Variants in LARGE1 observed in about 807,000 individuals in gnomAD.
The protein encoded by LARGE1 is LARGE xylosyl- and glucuronyltransferase 1.
In LARGE1, 43 loss-of-function variants were observed where a neutral mutation model predicts 87.6. The ratio of observed to expected loss-of-function variants is 0.49; its 90% CI spans 0.38 to 0.63. The LOEUF (loss-of-function observed/expected upper bound fraction) is 0.63. LARGE1 is among the 30% of genes least tolerant of loss of function. LARGE1 has a pLI of 0.00. For missense variants in LARGE1, 802 were observed against 1,000.2 expected, an observed-to-expected ratio of 0.80 and a Z score of 2.67; for synonymous variants, 434 against 394.6, an observed-to-expected ratio of 1.10 and a Z score of -1.18.
intron 9 of LARGE1, among the ~76,000 whole-genome samples, chr22:33,357,890 A>G (rs2146845864): frequency 6.6e-6 from 1 of 152,316 alleles, no homozygotes; most frequent in East Asian, 1.9e-4. Context: ...TAATCTTTCC[A>G]TCTCTTCTAT....
At chr22:33,871,357 T>A (rs1412717993) in intron 1 of LARGE1, among the ~76,000 whole-genome samples, 2 of 152,188 alleles carry the variant, frequency 1.3e-5, no homozygotes. Flanking sequence ...AAGCATTTAA[T>A]GAGCACATAT....
chr22:33,313,658 C>A (rs75888737), intron 11 of LARGE1, among the ~76,000 whole-genome samples: 1 of 152,140 alleles, frequency 6.6e-6, no homozygotes, highest in African/African-American at 2.4e-5. Flanking sequence ...AGGAACTGAG[C>A]GTGGCTTCGA....
At position 33,650,615 on chromosome 22, in the gene LARGE1, A is replaced by G. The variant is rs1200041876; in HGVS notation, c.160T>C (p.Tyr54His). The G allele has an allele frequency of 6.2e-7, 1 of 1,604,096 alleles. No individual in the cohort carries two copies. The highest frequency in any genetic ancestry group is 1.1e-5 in the South Asian group (1 of 91,068). ...CGCTCCCGCTGGCTGGAGGCCGTGT[A>G]CCTGGGGCTGTGTGCCTGGGACTCC... ...PLESQAHSPR[Y>H]TASSQRERES... The change falls in exon 3 of 15, where the codon TAC becomes CAC. Residue 54 changes from tyrosine to histidine, a missense_variant. Physicochemically the swap from Tyr to His is moderately conservative, Grantham distance 83 (BLOSUM62 2). Transcript: ENST00000397394.
intron 1 of LARGE1, among the ~76,000 whole-genome samples, chr22:33,864,677 T>C (rs1041263198): frequency 6.6e-6 from 1 of 152,144 alleles, no homozygotes; most frequent in Non-Finnish European, 1.5e-5. Context: ...GGCAGAAGGA[T>C]AGTCAGGGCT....
chr22:33,099,375 T>A, the LARGE1 span, among the ~76,000 whole-genome samples: 2 of 148,412 alleles, frequency 1.3e-5, no homozygotes, highest in Non-Finnish European at 3.0e-5. Flanking sequence ...GGCCTCAGCC[T>A]CCCAAGTAGC....
At chr22:33,338,140 A>T (rs933799400) in intron 9 of LARGE1, among the ~76,000 whole-genome samples, 3 of 151,986 alleles carry the variant, frequency 2.0e-5, no homozygotes, top group Non-Finnish European at 1.5e-5. Flanking sequence ...CGACTCTACA[A>T]ACCCTAATTC....
chr22:33,636,895 T>G (rs1434237552), intron 3 of LARGE1, among the ~76,000 whole-genome samples: 2 of 152,216 alleles, frequency 1.3e-5, no homozygotes, highest in Non-Finnish European at 2.9e-5. Flanking sequence ...TAGAGCCTGG[T>G]ACCTTGTAAG....
the LARGE1 span, among the ~76,000 whole-genome samples, chr22:33,085,545 G>A: frequency 6.6e-6 from 1 of 152,108 alleles, no homozygotes; most frequent in Non-Finnish European, 1.5e-5. Flanking sequence ...GGGTTCAAAA[G>A]GGTATTGCAA....
In LARGE1 at chr22:33,920,114, G is replaced by C. The variant is rs946350081; in HGVS notation, c.-202C>G. ...GGTCCCGGCAGGCGCTGCCCTACTC[G>C]GAGCGGCGGTGCCAAGCACAGAGTT... On this transcript the variant is annotated 5_prime_UTR_variant, in exon 1 of 15. Transcript: ENST00000397394. 6.6e-6 allele frequency: 1 copy of C among 152,112 alleles called. No homozygotes were observed. The highest frequency in any genetic ancestry group is 1.5e-5 in the Non-Finnish European group (1 of 68,104). The allele number at this position is 152,112 out of a possible 1,614,324, so 9.4% of individuals were successfully genotyped here. A position where few individuals can be genotyped will look rare whatever the true frequency, so the allele number is the denominator to read the frequency against.
chr22:33,811,985 C>A (rs1173385873), intron 1 of LARGE1, among the ~76,000 whole-genome samples: 1 of 152,122 alleles, frequency 6.6e-6, no homozygotes, highest in African/African-American at 2.4e-5. Flanking sequence ...AAGAGAGGAA[C>A]AAGGAAAGGG....
At chr22:33,109,821 C>T in the LARGE1 span, among the ~76,000 whole-genome samples, 1 of 152,142 alleles carries the variant, frequency 6.6e-6, no homozygotes, top group African/African-American at 2.4e-5. Flanking sequence ...ATCTCCTCCT[C>T]TCCTTCTTGC....
At chr22:33,110,711 C>T in the LARGE1 span, 1 of 152,174 alleles carries the variant, frequency 6.6e-6, no homozygotes, top group Non-Finnish European at 1.5e-5. Flanking sequence ...ACTGGGGCTA[C>T]TCCCCAATCC....
At chr22:33,174,465 C>A (rs1175885105) in intron 11 of LARGE1, among the ~76,000 whole-genome samples, 3 of 152,014 alleles carry the variant, frequency 2.0e-5, no homozygotes, top group Non-Finnish European at 4.4e-5. Context: ...CAAAAGCTAG[C>A]AGAAGACAAG....
rs530287513 is a variant in LARGE1, at chr22:33,524,924, C to A, written c.787+39924G>T. 2.4e-4 allele frequency among the ~76,000 whole-genome samples: 37 copies of A among 152,274 alleles called. 2 individuals carry two copies. In the South Asian group the frequency reaches 2.5e-3, roughly 10 times the overall value. On this transcript the variant is annotated intron_variant, in intron 6 of 14. Transcript: ENST00000397394. ...AAAGTAGTTTGTTTTGGTAAAGAAACCAGGCAAGAGAGATTCCAGAGAATT... is the reference window on the plus strand; with the variant it reads ...AAAGTAGTTTGTTTTGGTAAAGAAAACAGGCAAGAGAGATTCCAGAGAATT...
chr22:33,226,455 T>C (rs1925737387), intron 11 of LARGE1, among the ~76,000 whole-genome samples: 1 of 152,208 alleles, frequency 6.6e-6, no homozygotes, highest in African/African-American at 2.4e-5. Context: ...CATCATTGCT[T>C]CTAGGACACA....
At chr22:33,836,308 A>G (rs1220097150) in intron 1 of LARGE1, among the ~76,000 whole-genome samples, 1 of 152,204 alleles carries the variant, frequency 6.6e-6, no homozygotes. Context: ...CAAGACCACC[A>G]GTTGCAGAGT....
intron 1 of LARGE1, among the ~76,000 whole-genome samples, chr22:33,903,405 T>G (rs548890917): frequency 6.6e-6 from 1 of 152,236 alleles, no homozygotes; most frequent in African/African-American, 2.4e-5. Context: ...ATGGCCACCC[T>G]GGCAAACTAA....
chr22:33,575,624 C>T (rs1173407192), intron 5 of LARGE1, among the ~76,000 whole-genome samples: 2 of 152,148 alleles, frequency 1.3e-5, no homozygotes, highest in African/African-American at 2.4e-5. Flanking sequence ...AGCAATCTCC[C>T]GTAAGCATCA....
chr22:33,602,710 C>A (rs2079144481), intron 5 of LARGE1, among the ~76,000 whole-genome samples: 1 of 151,984 alleles, frequency 6.6e-6, no homozygotes. Flanking sequence ...GGGGGTCTCA[C>A]TATGTTTCCC....
Sources: allele counts gnomAD v4.1 joint callset (sites outside exome capture counted in the v4.1 genomes callset), GRCh38; gene constraint gnomAD v4.1.1; transcripts MANE v1.5; gene names NCBI Gene and HGNC (gene_info 2026-07-23, HGNC 2026-07-21).